Variants in ATG7 observed in about 807,000 individuals in gnomAD.
The protein encoded by ATG7 is ubiquitin-like modifier-activating enzyme ATG7.
ATG7 carries 70 observed loss-of-function variants against 82.4 expected under a neutral mutation model. That is an observed-to-expected ratio of 0.85 (90% confidence interval 0.70 to 1.04). The LOEUF is 1.04. Ranked by LOEUF, ATG7 falls within the 50% of genes least tolerant of loss-of-function variation. The probability of loss-of-function intolerance (pLI) is 0.00; values close to 1 mark genes in which losing one functional copy is unlikely to be tolerated. For missense variants in ATG7, 792 were observed against 864.3 expected (o/e 0.92, Z 1.05); for synonymous variants, 287 against 313.0 (o/e 0.92, Z 0.88).
intron 20 of ATG7, among the ~76,000 whole-genome samples, chr3:11,439,544 G>A (rs1359751803): frequency 6.6e-6 from 1 of 152,210 alleles, no homozygotes; most frequent in Admixed American, 6.5e-5. Flanking sequence ...TGGTGTGGGA[G>A]TCAAAGAGGT....
At position 11,441,200 on chromosome 3, in the gene ATG7, C is replaced by T. The variant is rs115329879; in HGVS notation, c.2079+14274C>T. ...TTGAAAGAGGCCATACTTAATTTTA[C>T]CCAATGCTTTATTAAAAGGAAAGAA... On this transcript the variant is annotated intron_variant, in intron 20 of 20. Coordinates refer to ENST00000693202, the MANE Select transcript of ATG7 (RefSeq NM_001349232.2). 4.7e-3 allele frequency among the ~76,000 whole-genome samples: 719 copies of T among 152,104 alleles called. 8 individuals carry two copies. Among genetic ancestry groups the T allele is most frequent in the African/African-American group, 0.017 (692 of 41,494 alleles).
chr3:11,505,506 C>T (rs1559767460), intron 20 of ATG7, among the ~76,000 whole-genome samples: 2 of 152,122 alleles, frequency 1.3e-5, no homozygotes, highest in East Asian at 3.8e-4. Context: ...GAATTGATCT[C>T]AAAGAGAGGA....
chr3:11,568,763 G>A, the ATG7 span: 12 of 1,501,270 alleles, frequency 8.0e-6, no homozygotes, highest in Non-Finnish European at 9.8e-6. This position sits in a 1 kb window ranked among gnomAD's most constrained non-coding sequence, Gnocchi z 5.9. Context: ...GGAGATGGAA[G>A]TCGCCTCCGC....
At chr3:11,315,290 C>T in intron 8 of ATG7, 54 bp from the exon 9 acceptor site, 1 of 1,424,610 alleles carries the variant, frequency 7.0e-7, no homozygotes, top group Non-Finnish European at 9.3e-7. Flanking sequence ...AGTTTTTAGC[C>T]CAGAACTAGA....
In ATG7 at chr3:11,497,357, C is replaced by CTATATATATATGTATATATATA. The variant is rs1281826628; in HGVS notation, c.2080-57443_2080-57442insGTATATATATATATATATATAT. On this transcript the variant is annotated intron_variant, in intron 20 of 20. Coordinates refer to ENST00000693202, the MANE Select transcript of ATG7 (RefSeq NM_001349232.2). ...TGAAACCCCGTCTGTACTAAAAATA[C>CTATATATATATGTATATATATA]TATATATATATATATATATATATAT... is the stretch of plus-strand genomic sequence containing the variant. 9.6e-4 allele frequency among the ~76,000 whole-genome samples: 55 copies of CTATATATATATGTATATATATA among 57,320 alleles called. 1 individual carries two copies. The highest frequency in any genetic ancestry group is 3.1e-3 in the African/African-American group (46 of 14,992). The allele number at this position is 57,320 out of a possible 152,430, so 37.6% of individuals were successfully genotyped here.
chr3:11,437,160 A>C (rs1256903007), intron 20 of ATG7, among the ~76,000 whole-genome samples: 1 of 152,168 alleles, frequency 6.6e-6, no homozygotes, highest in Non-Finnish European at 1.5e-5. Context: ...TTCTCTCTGC[A>C]TGCAATGTTG....
intron 18 of ATG7, among the ~76,000 whole-genome samples, chr3:11,376,018 T>C (rs1406234011): frequency 6.6e-6 from 1 of 152,236 alleles, no homozygotes; most frequent in African/African-American, 2.4e-5. Context: ...AGCAACACAA[T>C]TGAATATTAT....
At chr3:11,374,826 C>G (rs1173594090) in intron 18 of ATG7, among the ~76,000 whole-genome samples, 10 of 140,896 alleles carry the variant, frequency 7.1e-5, no homozygotes, top group Non-Finnish European at 3.0e-5. Flanking sequence ...AGGGTGTGAA[C>G]CCAGGAGGCG....
intron 20 of ATG7, among the ~76,000 whole-genome samples, chr3:11,492,666 C>T (rs1307577482): frequency 2.6e-5 from 4 of 152,240 alleles, no homozygotes; most frequent in African/African-American, 9.6e-5. Flanking sequence ...GGTCCACTCA[C>T]TCCACCCTCA....
At chr3:11,365,267 T>C (rs1228460673) in intron 18 of ATG7, among the ~76,000 whole-genome samples, 1 of 152,176 alleles carries the variant, frequency 6.6e-6, no homozygotes, top group Non-Finnish European at 1.5e-5. Context: ...TTATTGACTC[T>C]GAACCCAAAT....
intron 20 of ATG7, among the ~76,000 whole-genome samples, chr3:11,507,246 C>T (rs556131295): frequency 1.3e-4 from 20 of 152,318 alleles, no homozygotes; most frequent in Non-Finnish European, 2.4e-4. Context: ...CACACCACTG[C>T]ACTCCAGCCT....
intron 11 of ATG7, among the ~76,000 whole-genome samples, chr3:11,339,753 G>A (rs1022753657): frequency 4.6e-5 from 7 of 152,194 alleles, no homozygotes; most frequent in African/African-American, 1.4e-4. Flanking sequence ...TGGTATACAG[G>A]GAAATGAAGG....
downstream of ATG7, chr3:11,559,558 C>A: frequency 7.1e-7 from 1 of 1,402,406 alleles, no homozygotes. Flanking sequence ...TGGTGCCCTT[C>A]CTGACCCAGT....
chr3:11,354,943 A>G (rs1016243212), intron 14 of ATG7, among the ~76,000 whole-genome samples: 1 of 152,240 alleles, frequency 6.6e-6, no homozygotes, highest in East Asian at 1.9e-4. Context: ...GGCCCATGCC[A>G]TAGCCCGTGA....
At chr3:11,526,298 A>G (rs1471370669) in intron 20 of ATG7, among the ~76,000 whole-genome samples, 1 of 152,110 alleles carries the variant, frequency 6.6e-6, no homozygotes, top group Non-Finnish European at 1.5e-5. Context: ...GGCTGAGGCA[A>G]GAGAGTCACT....
chr3:11,474,256 A>G (rs1006042166), intron 20 of ATG7, among the ~76,000 whole-genome samples: 1 of 152,366 alleles, frequency 6.6e-6, no homozygotes, highest in East Asian at 1.9e-4. Flanking sequence ...TTCTAGTTCT[A>G]TAAATAAATG....
rs1576133969 is a variant in ATG7 at position 11,403,758 on chromosome 3, A to C, written c.1957-23046A>C. Among the ~76,000 whole-genome samples, 3 of 152,242 alleles carry C rather than the reference A, an allele frequency of 2.0e-5. No individual in the cohort carries two copies. In the East Asian group the frequency reaches 5.8e-4, roughly 29 times the overall value. ...TAATGACCCTGAGGTCGAAGTATGAATATCACAAGGGCAAAAATAGTTCTA... is the reference window on the plus strand; with the variant it reads ...TAATGACCCTGAGGTCGAAGTATGACTATCACAAGGGCAAAAATAGTTCTA... On this transcript the variant is annotated intron_variant, in intron 19 of 20. Transcript: ENST00000693202.
intron 20 of ATG7, among the ~76,000 whole-genome samples, chr3:11,443,377 G>C (rs1037339707): frequency 5.9e-5 from 9 of 152,134 alleles, no homozygotes; most frequent in Non-Finnish European, 1.2e-4. Flanking sequence ...GTTTGAGGTG[G>C]TTTCCTTTTC....
Position 11,356,811 on chromosome 3 carries a change from T to C in ATG7, c.1285-1607T>C, listed in dbSNP as rs533831966. On this transcript the variant is annotated intron_variant, in intron 14 of 20. Transcript: ENST00000693202. The stretch of plus-strand genomic sequence containing the variant: ...GGTGCACAATACTTAATGGATTAAT[T>C]AATGAGATCCTGATAGCTGTGCTAG... Among the ~76,000 whole-genome samples the C allele has an allele frequency of 5.2e-4, 79 of 152,308 alleles. 1 individual carries two copies. Among genetic ancestry groups the C allele is most frequent in the Non-Finnish European group, 6.8e-4 (46 of 68,024 alleles).
Sources: allele counts gnomAD v4.1 joint callset (sites outside exome capture counted in the v4.1 genomes callset), GRCh38; gene constraint gnomAD v4.1.1; non-coding constraint Gnocchi (gnomAD v3.1); transcripts MANE v1.5; gene names NCBI Gene and HGNC (gene_info 2026-07-23, HGNC 2026-07-21).